The following PPP2R2D variants were observed in gnomAD, a reference collection of about 807,000 sequenced individuals.
The protein encoded by PPP2R2D is protein phosphatase 2 regulatory subunit Bdelta.
Under a neutral mutation model 31.1 loss-of-function variants are expected in PPP2R2D, and 9 were observed. That is an observed-to-expected ratio of 0.29 (90% confidence interval 0.17 to 0.51). The LOEUF (loss-of-function observed/expected upper bound fraction) is 0.51, where lower values mean the gene tolerates loss of function less well. Among genes scored for constraint, PPP2R2D ranks in the 20% least tolerant of loss-of-function variants. The pLI, the probability that PPP2R2D is intolerant of heterozygous loss-of-function variation, is 0.98. For synonymous variants in PPP2R2D, 179 were observed against 172.6 expected, an observed-to-expected ratio of 1.04 and a Z score of -0.29; for missense variants, 391 against 465.6, an observed-to-expected ratio of 0.84 and a Z score of 1.48.
At chr10:131,970,587 G>T in the PPP2R2D span, 16 of 1,594,048 alleles carry the variant, frequency 1.0e-5, no homozygotes, top group East Asian at 2.5e-4. This position sits in a 1 kb window ranked among gnomAD's most constrained non-coding sequence, Gnocchi z 4.1. Context: ...CTGCAACCCA[G>T]AATCGCCCCA....
chr10:131,967,026 A>C, the PPP2R2D span: 1 of 152,102 alleles, frequency 6.6e-6, no homozygotes. Flanking sequence ...GATTACAGGC[A>C]CGTGCCACTG....
At chr10:131,948,340 T>TA (rs778035621) in intron 8 of PPP2R2D, among the ~76,000 whole-genome samples, 6 of 77,154 alleles carry the variant, frequency 7.8e-5, no homozygotes, top group South Asian at 7.1e-4. Context: ...GGTTGAGAGT[T>TA]ACGTTTTTTT....
At chr10:131,913,198 T>A (rs1236581870) in intron 2 of PPP2R2D, among the ~76,000 whole-genome samples, 1 of 150,914 alleles carries the variant, frequency 6.6e-6, no homozygotes, top group Admixed American at 6.6e-5. Context: ...TTTTTTTTTT[T>A]TTTTGTATTT....
chr10:131,960,481 A>C (rs1554901283), downstream of PPP2R2D, among the ~76,000 whole-genome samples: 2 of 152,318 alleles, frequency 1.3e-5, no homozygotes, highest in Non-Finnish European at 2.9e-5. Context: ...GGACAGACTC[A>C]GTCTGATTTT....
At chr10:131,942,445 T>TA (rs1554897363) in intron 5 of PPP2R2D, among the ~76,000 whole-genome samples, 2 of 152,256 alleles carry the variant, frequency 1.3e-5, no homozygotes, top group African/African-American at 4.8e-5. Flanking sequence ...TTTGAGATCT[T>TA]ACCTCTCTAA....
the PPP2R2D span, among the ~76,000 whole-genome samples, chr10:131,964,868 G>A: frequency 6.6e-6 from 1 of 151,938 alleles, no homozygotes; most frequent in Admixed American, 6.6e-5. Flanking sequence ...AAGCATTAAT[G>A]TGGTTCTAAG....
chr10:131,901,902 G>C (rs2035506046), intron 2 of PPP2R2D, among the ~76,000 whole-genome samples: 1 of 152,228 alleles, frequency 6.6e-6, no homozygotes, highest in Non-Finnish European at 1.5e-5. Flanking sequence ...ATTTTACTGT[G>C]AGGTACTGCT....
rs1015106906 is a variant in PPP2R2D, at chr10:131,911,151, C to T, written c.100+9821C>T. ...CAACCTGAGGCTTGCCGTTGGCTCT[C>T]GAAGTGGGGGGCAGTCTTGTGGGAC... On this transcript the variant is annotated intron_variant, in intron 2 of 8. Transcript: ENST00000455566. Among the ~76,000 whole-genome samples the T allele has an allele frequency of 3.9e-5, 6 of 152,300 alleles. No individual in the cohort carries two copies. In the East Asian group the frequency reaches 9.7e-4, roughly 25 times the overall value.
In PPP2R2D at chr10:131,942,766, GTAAGTATTGCAGC is replaced by G. The variant is rs370887305; in HGVS notation, c.478-1199_478-1187del. On this transcript the variant is annotated intron_variant, in intron 5 of 8. Coordinates refer to ENST00000455566, the MANE Select transcript of PPP2R2D (RefSeq NM_018461.5). ...GTTTTCAATAAAAGAAGGAATCTTTGTAAGTATTGCAGCTATCATATGTTTTGATTAATGGGAA... is the reference window on the plus strand; with the variant it reads ...GTTTTCAATAAAAGAAGGAATCTTTGTATCATATGTTTTGATTAATGGGAA... 3.5e-3 allele frequency among the ~76,000 whole-genome samples: 530 copies of G among 152,324 alleles called. 3 individuals carry two copies. Among genetic ancestry groups the G allele is most frequent in the African/African-American group, 0.012 (516 of 41,560 alleles).
At chr10:131,951,830 A>C (rs2036641822) in intron 8 of PPP2R2D, among the ~76,000 whole-genome samples, 2 of 151,234 alleles carry the variant, frequency 1.3e-5, no homozygotes, top group Non-Finnish European at 2.9e-5. Flanking sequence ...AAAAAAAAAC[A>C]AAAAAAATCT....
intron 2 of PPP2R2D, among the ~76,000 whole-genome samples, chr10:131,915,224 A>G (rs921859442): frequency 1.3e-5 from 2 of 152,102 alleles, no homozygotes; most frequent in African/African-American, 2.4e-5. Flanking sequence ...TCAGCTAGTA[A>G]TAATGATTGA....
intron 8 of PPP2R2D, among the ~76,000 whole-genome samples, chr10:131,952,723 C>T (rs1158556119): frequency 3.1e-5 from 2 of 64,022 alleles, no homozygotes; most frequent in Non-Finnish European, 2.8e-5. Context: ...TGCGGGTGTG[C>T]GGGGTTCACT....
chr10:131,969,367 C>T, the PPP2R2D span: 1 of 152,136 alleles, frequency 6.6e-6, no homozygotes, highest in Non-Finnish European at 1.5e-5. Flanking sequence ...GATCCCGAGG[C>T]CTTGCCCCCA....
intron 2 of PPP2R2D, among the ~76,000 whole-genome samples, chr10:131,904,976 ACCCCACCCCCC>A (rs2035559678): frequency 8.5e-6 from 1 of 117,890 alleles, no homozygotes; most frequent in African/African-American, 3.7e-5. Context: ...TTTGATGCGC[ACCCCACCCCCC>A]TTTTTTTTTT....
intron 8 of PPP2R2D, among the ~76,000 whole-genome samples, chr10:131,950,876 G>A (rs1554898701): frequency 6.6e-6 from 1 of 152,060 alleles, no homozygotes; most frequent in African/African-American, 2.4e-5. Context: ...TCTTTAAGAA[G>A]GCCCCAAAAG....
At position 131,951,105 on chromosome 10, in the gene PPP2R2D, T is replaced by C. The variant is rs2036627572; in HGVS notation, c.1082+3314T>C. On this transcript the variant is annotated intron_variant, in intron 8 of 8. Transcript: ENST00000455566. ...GAAATGGAAAAATAAATAGAAATGCTCATCCTTCTTAGTGATCAGCAAGTA... is the reference window on the plus strand; with the variant it reads ...GAAATGGAAAAATAAATAGAAATGCCCATCCTTCTTAGTGATCAGCAAGTA... Among the ~76,000 whole-genome samples, 5 of 152,256 alleles carry C rather than the reference T, an allele frequency of 3.3e-5. No individual in the cohort carries two copies. In the South Asian group the frequency reaches 1.0e-3, roughly 32 times the overall value.
At chr10:131,952,065 G>A (rs1434116035) in intron 8 of PPP2R2D, among the ~76,000 whole-genome samples, 5 of 148,464 alleles carry the variant, frequency 3.4e-5, no homozygotes, top group Admixed American at 2.0e-4. Flanking sequence ...ACTTGCAGGG[G>A]GTCCCTGTCT....
At chr10:131,902,836 T>C in intron 2 of PPP2R2D, among the ~76,000 whole-genome samples, 1 of 152,284 alleles carries the variant, frequency 6.6e-6, no homozygotes, top group East Asian at 1.9e-4. Context: ...CACTGCAACC[T>C]CTGCCTCCTA....
downstream of PPP2R2D, among the ~76,000 whole-genome samples, chr10:131,961,858 A>C: frequency 6.6e-6 from 1 of 151,040 alleles, no homozygotes; most frequent in Non-Finnish European, 1.5e-5. Flanking sequence ...TATCTTAAGG[A>C]CTGACAGTCT....
Sources: gnomAD v4.1 joint callset for allele counts (sites outside exome capture counted in the v4.1 genomes callset) on GRCh38, gnomAD v4.1.1 for gene constraint, Gnocchi (gnomAD v3.1) non-coding constraint, MANE v1.5 for transcripts, NCBI Gene and HGNC (gene_info 2026-07-23, HGNC 2026-07-21) for gene names.